Variants in SP140L observed in about 807,000 individuals in gnomAD.
SP140L encodes SP140 like nuclear body protein.
Under a neutral mutation model 84.3 loss-of-function variants are expected in SP140L, and 64 were observed. The ratio of observed to expected loss-of-function variants is 0.76; its 90% CI spans 0.62 to 0.94. The LOEUF (loss-of-function observed/expected upper bound fraction) is 0.94. Ranked by LOEUF, SP140L falls within the 40% of genes least tolerant of loss-of-function variation. SP140L has a pLI of 0.00. For missense variants in SP140L, 628 were observed against 692.5 expected (o/e 0.91, Z 1.05); for synonymous variants, 242 against 236.9 (o/e 1.02, Z -0.20).
At chr2:230,381,963 A>G (rs2061423089) in intron 7 of SP140L, among the ~76,000 whole-genome samples, 1 of 152,176 alleles carries the variant, frequency 6.6e-6, no homozygotes, top group Non-Finnish European at 1.5e-5. Context: ...TACATTTGTC[A>G]GGGGGAAGGT....
chr2:230,344,030 A>C (rs1007686811), intron 2 of SP140L, among the ~76,000 whole-genome samples: 1 of 152,178 alleles, frequency 6.6e-6, no homozygotes, highest in East Asian at 1.9e-4. Context: ...GTAGATATCT[A>C]TCAGGTCTAC....
intron 5 of SP140L, among the ~76,000 whole-genome samples, chr2:230,363,604 T>C (rs959642519): frequency 1.3e-5 from 2 of 152,166 alleles, no homozygotes; most frequent in Non-Finnish European, 2.9e-5. Flanking sequence ...TTGCAAATAT[T>C]TTCTCCCTTC....
Position 230,328,740 on chromosome 2 carries a change from C to A in SP140L, c.33-17C>A, listed in dbSNP as rs2059646591. 6.2e-7 allele frequency: 1 copy of A among 1,609,604 alleles called. No individual in the cohort carries two copies. The stretch of plus-strand genomic sequence containing the variant: ...GTTATTTACTTGTTTATAGATCCTG[C>A]CAAATTGTCTTTTTAGGGGGCTGAA... On this transcript the variant is annotated splice_polypyrimidine_tract_variant and intron_variant, in intron 1 of 18. Coordinates refer to ENST00000415673, the MANE Select transcript of SP140L (RefSeq NM_138402.6).
At chr2:230,330,774 T>A (rs2059703965) in intron 2 of SP140L, among the ~76,000 whole-genome samples, 1 of 152,220 alleles carries the variant, frequency 6.6e-6, no homozygotes, top group Non-Finnish European at 1.5e-5. Context: ...TTAGTCATAG[T>A]CAACCATGGT....
intron 3 of SP140L, among the ~76,000 whole-genome samples, chr2:230,358,418 C>CT (rs903249310): frequency 3.9e-5 from 6 of 152,026 alleles, no homozygotes; most frequent in Non-Finnish European, 7.4e-5. Context: ...CTTGTCTTTC[C>CT]TTTTTTTGTG....
intron 2 of SP140L, among the ~76,000 whole-genome samples, chr2:230,354,914 A>AG (rs1370995252): frequency 2.9e-5 from 4 of 138,268 alleles, no homozygotes; most frequent in African/African-American, 7.9e-5. Flanking sequence ...GAAAGAAGAA[A>AG]GAAAAAGAAA....
intron 2 of SP140L, among the ~76,000 whole-genome samples, chr2:230,354,442 G>T (rs1209057180): frequency 6.6e-6 from 1 of 152,058 alleles, no homozygotes; most frequent in East Asian, 1.9e-4. Context: ...GATAAAATTA[G>T]TAGTTCATGA....
At chr2:230,330,046 C>A (rs72992246) in intron 2 of SP140L, among the ~76,000 whole-genome samples, 10,841 of 152,132 alleles carry the variant, frequency 0.071, 619 homozygotes, top group South Asian at 0.2. Context: ...CTGATTCTAT[C>A]TGATCTTGTG....
At chr2:230,369,389 C>T (rs1259361860) in intron 5 of SP140L, among the ~76,000 whole-genome samples, 1 of 152,190 alleles carries the variant, frequency 6.6e-6, no homozygotes, top group Non-Finnish European at 1.5e-5. Flanking sequence ...AGTGCTGGGG[C>T]AGGCTGAAGA....
chr2:230,392,959 A>G (rs1309132103), intron 12 of SP140L, among the ~76,000 whole-genome samples: 1 of 152,022 alleles, frequency 6.6e-6, no homozygotes, highest in Non-Finnish European at 1.5e-5. Flanking sequence ...TTCACTATTT[A>G]TATTTATCCT....
chr2:230,399,128 G>A (rs1251744434), intron 14 of SP140L, among the ~76,000 whole-genome samples: 4 of 152,152 alleles, frequency 2.6e-5, no homozygotes, highest in East Asian at 3.8e-4. Context: ...GTCACAGACC[G>A]GTTCTTTGTC....
intron 2 of SP140L, among the ~76,000 whole-genome samples, chr2:230,336,978 A>G (rs1367783228): frequency 6.6e-6 from 1 of 152,118 alleles, no homozygotes; most frequent in African/African-American, 2.4e-5. Context: ...CTGTTCTTGC[A>G]CTGCTCTAGA....
chr2:230,378,230 A>C (rs2061310078), intron 7 of SP140L, among the ~76,000 whole-genome samples: 2 of 140,424 alleles, frequency 1.4e-5, no homozygotes, highest in South Asian at 4.3e-4. Flanking sequence ...ACAAATCCTG[A>C]AATCAGGTAG....
At chr2:230,362,697 T>C (rs901764680) in intron 5 of SP140L, among the ~76,000 whole-genome samples, 4 of 152,202 alleles carry the variant, frequency 2.6e-5, no homozygotes, top group African/African-American at 7.2e-5. Context: ...TTGTCCATTT[T>C]GCAGATAAGA....
intron 2 of SP140L, among the ~76,000 whole-genome samples, chr2:230,354,685 G>A (rs2060462798): frequency 1.4e-5 from 2 of 143,492 alleles, no homozygotes; most frequent in Admixed American, 1.4e-4. Flanking sequence ...GAGTTGGGGG[G>A]TATTACTTGA....
chr2:230,362,751 A>G (rs534288574), intron 5 of SP140L, among the ~76,000 whole-genome samples: 47 of 152,356 alleles, frequency 3.1e-4, no homozygotes, highest in African/African-American at 1.1e-3. Flanking sequence ...GCCTAGGGTC[A>G]GATGAGCAAG....
intron 2 of SP140L, among the ~76,000 whole-genome samples, chr2:230,334,244 C>T (rs1049171363): frequency 6.6e-6 from 1 of 152,210 alleles, no homozygotes. Context: ...GGGCTTACTC[C>T]TTGTCAGCAT....
intron 11 of SP140L, 90 bp downstream of exon 11, chr2:230,390,113 C>A: frequency 1.6e-6 from 2 of 1,224,272 alleles, no homozygotes; most frequent in East Asian, 2.4e-5. Flanking sequence ...ACACATCATT[C>A]AAGGAGTTTT....
chr2:230,357,986 A>G lies in SP140L; in HGVS notation c.270+19A>G. 6.2e-7 allele frequency: 1 copy of G among 1,611,654 alleles called. No individual in the cohort carries two copies. Among genetic ancestry groups the G allele is most frequent in the Non-Finnish European group, 8.5e-7 (1 of 1,178,844 alleles). ...GTTTGAAGTAAGTAAAGTTTATTTCACAACCTGGCAGATATGCTTTCATAT... is the reference window on the plus strand; with the variant it reads ...GTTTGAAGTAAGTAAAGTTTATTTCGCAACCTGGCAGATATGCTTTCATAT... On this transcript the variant is annotated intron_variant, in intron 3 of 18. Transcript: ENST00000415673.
Sources: gnomAD v4.1 joint callset for allele counts (sites outside exome capture counted in the v4.1 genomes callset) on GRCh38, gnomAD v4.1.1 for gene constraint, MANE v1.5 for transcripts, NCBI Gene and HGNC (gene_info 2026-07-23, HGNC 2026-07-21) for gene names.